Variants in PTK7 observed in about 807,000 individuals in gnomAD.
The protein encoded by PTK7 is protein tyrosine kinase 7 (inactive), also known as inactive tyrosine-protein kinase 7.
A neutral mutation model predicts 116.6 loss-of-function variants in PTK7; 39 were observed. That is an observed-to-expected ratio of 0.33 (90% CI 0.26 to 0.44). The LOEUF (loss-of-function observed/expected upper bound fraction) is 0.44, where lower values mean the gene tolerates loss of function less well. PTK7 is among the 20% of genes least tolerant of loss of function. The pLI is 1.00. For synonymous variants in PTK7, 546 were observed against 563.6 expected, an observed-to-expected ratio of 0.97 and a Z score of 0.44; for missense variants, 1,169 against 1,425.6, an observed-to-expected ratio of 0.82 and a Z score of 2.90.
At chr6:43,097,471 T>C (rs897199444) in intron 1 of PTK7, among the ~76,000 whole-genome samples, 1 of 152,232 alleles carries the variant, frequency 6.6e-6, no homozygotes, top group African/African-American at 2.4e-5. Context: ...CAAAATTACA[T>C]AGACGATTTT....
chr6:43,151,450 G>C (rs1010053316), intron 17 of PTK7, among the ~76,000 whole-genome samples: 6 of 151,328 alleles, frequency 4.0e-5, no homozygotes, highest in African/African-American at 1.2e-4. Flanking sequence ...CTGTCCTCGT[G>C]ATCCGCCCGC....
rs1254531716 is a variant in PTK7, at chr6:43,161,484, A to G, written c.*603A>G. 7.2e-6 allele frequency: 1 copy of G among 139,780 alleles called. No individual in the cohort carries two copies. Among genetic ancestry groups the G allele is most frequent in the Non-Finnish European group, 1.5e-5 (1 of 65,914 alleles). The allele number at this position is 139,780 out of a possible 1,614,324, so 8.7% of individuals were successfully genotyped here. A position where few individuals can be genotyped will look rare whatever the true frequency, so the allele number is the denominator to read the frequency against. ...CCTGGCAGATGAAGGAGTTTTCAGG[A>G]GCTTTTGACACTATATAAACCGCCC... On this transcript the variant is annotated 3_prime_UTR_variant, in exon 20 of 20. Transcript: ENST00000230419.
intron 1 of PTK7, among the ~76,000 whole-genome samples, chr6:43,122,068 G>A (rs1054240644): frequency 1.3e-5 from 2 of 152,134 alleles, no homozygotes; most frequent in Non-Finnish European, 2.9e-5. Context: ...CTTGGGCCTC[G>A]GAGGTTGAGG....
At chr6:43,135,096 G>T (rs1769948242) in intron 7 of PTK7, among the ~76,000 whole-genome samples, 1 of 152,188 alleles carries the variant, frequency 6.6e-6, no homozygotes, top group African/African-American at 2.4e-5. Flanking sequence ...GATACTTCAT[G>T]TGTGTTCAAG....
rs1769608496 is a variant in PTK7 at position 43,130,593 on chromosome 6, C to T, written c.744C>T (p.Phe248=). 6.2e-7 allele frequency: 1 copy of T among 1,614,088 alleles called. No homozygotes were observed. The highest frequency in any genetic ancestry group is 8.5e-7 in the Non-Finnish European group (1 of 1,180,048). ...RYEEAMFHCQ[F]SAQPPPSLQW... Reference sequence around the variant, plus strand: ...AGGAGGCCATGTTCCATTGCCAGTTCTCAGCCCAGCCACCCCCGAGCCTGC... The same window carrying T: ...AGGAGGCCATGTTCCATTGCCAGTTTTCAGCCCAGCCACCCCCGAGCCTGC... The change falls in exon 5 of 20, where the codon TTC becomes TTT. Residue 248 remains phenylalanine (F), a synonymous_variant. Coordinates refer to ENST00000230419, the MANE Select transcript of PTK7 (RefSeq NM_002821.5).
rs554973312 is a variant in PTK7 at position 43,122,024 on chromosome 6, C to A, written c.80-6953C>A. Among the ~76,000 whole-genome samples, 23 of 152,242 alleles carry A rather than the reference C, an allele frequency of 1.5e-4. 1 individual carries two copies. The South Asian group carries it at 4.8e-3, about 32-fold the overall frequency. ...GGGCATGCAGGCACGTGCCTGTGGC[C>A]CCAGCTACTCAGGAGGCTGAGGTGG... On this transcript the variant is annotated intron_variant, in intron 1 of 19. Coordinates refer to ENST00000230419, the MANE Select transcript of PTK7 (RefSeq NM_002821.5).
chr6:43,148,216 G>A (rs1426931965), intron 17 of PTK7, among the ~76,000 whole-genome samples: 14 of 150,596 alleles, frequency 9.3e-5, no homozygotes. Flanking sequence ...TTACACCACT[G>A]CACTCCAGCC....
intron 7 of PTK7, among the ~76,000 whole-genome samples, chr6:43,134,026 T>C (rs1318450261): frequency 6.6e-6 from 1 of 152,126 alleles, no homozygotes; most frequent in Non-Finnish European, 1.5e-5. Flanking sequence ...ATCACCTGCT[T>C]TCATTAGGGA....
intron 1 of PTK7, among the ~76,000 whole-genome samples, chr6:43,112,710 G>A (rs75308016): frequency 0.01 from 1,528 of 152,106 alleles, 30 homozygotes; most frequent in African/African-American, 0.035. Flanking sequence ...CACTGCACCC[G>A]GCCCCATTTT....
intron 1 of PTK7, among the ~76,000 whole-genome samples, chr6:43,081,201 G>A (rs567019348): frequency 2.2e-4 from 33 of 152,192 alleles, no homozygotes; most frequent in South Asian, 1.0e-3. Context: ...CAGCCCCACC[G>A]CCTCTTCTTC....
chr6:43,156,715 A>T (rs886914806), intron 17 of PTK7, among the ~76,000 whole-genome samples: 1 of 151,928 alleles, frequency 6.6e-6, no homozygotes, highest in Non-Finnish European at 1.5e-5. Context: ...GGCCAACATG[A>T]TGAAACCCCA....
In PTK7 at chr6:43,139,449, G is replaced by A. The variant is rs1164629134; in HGVS notation, c.1542G>A (p.Met514Ile). The A allele has an allele frequency of 4.3e-6, 7 of 1,614,132 alleles. No individual in the cohort carries two copies. The Admixed American group carries it at 1.2e-4, about 27-fold the overall frequency. Residue 514 changes from methionine (M) to isoleucine (I), a missense_variant, in exon 10 of 20, where the codon ATG becomes ATA. By Grantham distance (10) the Met-to-Ile change is conservative. Transcript: ENST00000230419. The surrounding 1 kb of genome is among the most constrained non-coding windows in gnomAD (Gnocchi z 4.6). ...FTPPPQPQQCMEFDKEATVPC... is the reference protein window; with the variant it reads ...FTPPPQPQQCIEFDKEATVPC... ...CACCACCCCAGCCACAGCAGTGCAT[G>A]GAGTTTGACAAGGAGGCCACGGTGC...
intron 1 of PTK7, among the ~76,000 whole-genome samples, chr6:43,078,843 C>G (rs866246152): frequency 1.4e-4 from 22 of 152,306 alleles, no homozygotes; most frequent in South Asian, 8.3e-4. Context: ...ATTCCCATCC[C>G]CCTCCCTGGT....
chr6:43,131,833 G>T, intron 5 of PTK7, 183 bp from the exon 6 acceptor site: 1 of 749,812 alleles, frequency 1.3e-6, no homozygotes, highest in South Asian at 1.7e-5. Flanking sequence ...ACCTGCACGT[G>T]CACCTGAGCA....
intron 5 of PTK7, among the ~76,000 whole-genome samples, chr6:43,131,029 T>TCTCACA (rs749691922): frequency 2.2e-5 from 3 of 133,756 alleles, no homozygotes; most frequent in African/African-American, 8.3e-5. Context: ...GGCAAAGACA[T>TCTCACA]CACACACACA....
At chr6:43,109,299 T>G (rs570929411) in intron 1 of PTK7, among the ~76,000 whole-genome samples, 22 of 152,058 alleles carry the variant, frequency 1.4e-4, no homozygotes, top group Non-Finnish European at 2.1e-4. Flanking sequence ...CCTGAGCCAC[T>G]CAAGTAGCTG....
rs1194082496 is a variant in PTK7 at position 43,139,397 on chromosome 6, C to T, written c.1499-9C>T. On this transcript the variant is annotated splice_polypyrimidine_tract_variant and intron_variant, in intron 9 of 19. Coordinates refer to ENST00000230419, the MANE Select transcript of PTK7 (RefSeq NM_002821.5). This position sits in a 1 kb window ranked among gnomAD's most constrained non-coding sequence, Gnocchi z 4.6. ...TCCTCGTCTTTCTACCCACCCTCTGCTGAAACAGAAAAGCTCAAGTTCACA... is the reference window on the plus strand; with the variant it reads ...TCCTCGTCTTTCTACCCACCCTCTGTTGAAACAGAAAAGCTCAAGTTCACA... The T allele has an allele frequency of 2.5e-6, 4 of 1,614,188 alleles. No individual in the cohort carries two copies. Among genetic ancestry groups the T allele is most frequent in the Non-Finnish European group, 3.4e-6 (4 of 1,180,022 alleles).
rs756747841 is a variant in PTK7, at chr6:43,134,782, G to GA, written c.1228+2112dup. ...GTGACAGAGCGAGACTTTGTCTCAG[G>GA]AAAAAAAAAAAAAAAAATTTAGCCA... is the stretch of plus-strand genomic sequence containing the variant. On this transcript the variant is annotated intron_variant, in intron 7 of 19. Coordinates refer to ENST00000230419, the MANE Select transcript of PTK7 (RefSeq NM_002821.5). 4.2e-3 allele frequency among the ~76,000 whole-genome samples: 534 copies of GA among 128,494 alleles called. 1 individual carries two copies. Among genetic ancestry groups the GA allele is most frequent in the African/African-American group, 4.2e-3 (146 of 34,914 alleles). 84.3% of individuals were successfully genotyped at this position (128,494 alleles called of 152,430 possible). A position where few individuals can be genotyped will look rare whatever the true frequency, so the allele number is the denominator to read the frequency against.
chr6:43,153,259 C>T (rs1481071898), intron 17 of PTK7, among the ~76,000 whole-genome samples: 10 of 151,790 alleles, frequency 6.6e-5, no homozygotes, highest in African/African-American at 1.5e-4. Flanking sequence ...TACAGGCGCC[C>T]GCCACCATGC....
Sources: gnomAD v4.1 joint callset for allele counts (sites outside exome capture counted in the v4.1 genomes callset) on GRCh38, gnomAD v4.1.1 for gene constraint, Gnocchi (gnomAD v3.1) non-coding constraint, MANE v1.5 for transcripts, NCBI Gene and HGNC (gene_info 2026-07-23, HGNC 2026-07-21) for gene names.